The following NELL1 variants were observed in gnomAD, a reference collection of about 807,000 sequenced individuals.
NELL1 encodes the protein protein kinase C-binding protein NELL1.
In NELL1, 76 loss-of-function variants were observed where a neutral mutation model predicts 107.4. The observed-to-expected ratio is 0.71, with a 90% CI of 0.59 to 0.86. The LOEUF (loss-of-function observed/expected upper bound fraction) is 0.86, where lower values mean the gene tolerates loss of function less well. NELL1 is among the 40% of genes least tolerant of loss of function. NELL1 has a pLI of 0.00. For missense variants in NELL1, 1,024 were observed against 1,005.5 expected, an observed-to-expected ratio of 1.02 and a Z score of -0.25; for synonymous variants, 353 against 341.2, an observed-to-expected ratio of 1.03 and a Z score of -0.38.
chr11:21,471,982 A>G (rs904242445), intron 15 of NELL1, among the ~76,000 whole-genome samples: 1 of 152,054 alleles, frequency 6.6e-6, no homozygotes, highest in Non-Finnish European at 1.5e-5. Flanking sequence ...GGTACAGTAC[A>G]TTATTTTAGC....
At chr11:20,752,629 C>G (rs940615088) in intron 2 of NELL1, among the ~76,000 whole-genome samples, 1 of 152,146 alleles carries the variant, frequency 6.6e-6, no homozygotes, top group African/African-American at 2.4e-5. Context: ...TTGAGAAAAC[C>G]TGGCACCAAC....
chr11:21,398,302 C>T (rs1300986520), intron 15 of NELL1, among the ~76,000 whole-genome samples: 2 of 151,612 alleles, frequency 1.3e-5, no homozygotes, highest in African/African-American at 2.4e-5. Context: ...CCCTGAGGCT[C>T]TCTGTATCTT....
intron 14 of NELL1, among the ~76,000 whole-genome samples, chr11:21,353,148 C>G (rs1237759029): frequency 1.3e-5 from 2 of 152,122 alleles, no homozygotes; most frequent in African/African-American, 2.4e-5. Flanking sequence ...AGGCATCTTG[C>G]TTGATCCCTT....
At chr11:21,064,858 T>C (rs1853830541) in intron 12 of NELL1, among the ~76,000 whole-genome samples, 1 of 152,208 alleles carries the variant, frequency 6.6e-6, no homozygotes, top group Admixed American at 6.5e-5. Context: ...TGTGAAATTA[T>C]TTGACCTGGA....
chr11:21,274,848 C>T (rs1848819795), intron 14 of NELL1, among the ~76,000 whole-genome samples: 1 of 152,082 alleles, frequency 6.6e-6, no homozygotes, highest in African/African-American at 2.4e-5. Context: ...TCTTGGAAAC[C>T]AGTGAGAACA....
At chr11:20,802,671 T>A (rs1445000574) in intron 3 of NELL1, among the ~76,000 whole-genome samples, 1 of 152,190 alleles carries the variant, frequency 6.6e-6, no homozygotes, top group Non-Finnish European at 1.5e-5. Flanking sequence ...GCTTTCAGTT[T>A]TTTCCCATTC....
chr11:20,815,225 T>C (rs1356688607), intron 3 of NELL1, among the ~76,000 whole-genome samples: 1 of 152,020 alleles, frequency 6.6e-6, no homozygotes, highest in Non-Finnish European at 1.5e-5. Context: ...CCACCACACC[T>C]GGCTAATTTT....
intron 15 of NELL1, among the ~76,000 whole-genome samples, chr11:21,460,033 G>A (rs1478943464): frequency 6.6e-6 from 1 of 152,014 alleles, no homozygotes; most frequent in Non-Finnish European, 1.5e-5. Context: ...CAAATAAAAG[G>A]CTTTATTAAT....
chr11:20,934,324 A>G (rs1455712750), intron 9 of NELL1, among the ~76,000 whole-genome samples: 1 of 152,182 alleles, frequency 6.6e-6, no homozygotes, highest in African/African-American at 2.4e-5. Context: ...CAAATTGCAG[A>G]TGGTTGAGGC....
intron 5 of NELL1, among the ~76,000 whole-genome samples, chr11:20,900,825 A>C (rs1849856810): frequency 1.3e-5 from 2 of 152,194 alleles, no homozygotes; most frequent in South Asian, 4.1e-4. Flanking sequence ...ATTTGTTTTT[A>C]TCTTCAGAAA....
chr11:21,478,682 T>A (rs1378573833), intron 15 of NELL1, among the ~76,000 whole-genome samples: 3 of 139,634 alleles, frequency 2.1e-5, no homozygotes, highest in Non-Finnish European at 4.6e-5. Context: ...AGAAATGGGG[T>A]CACACCAAGT....
intron 12 of NELL1, among the ~76,000 whole-genome samples, chr11:21,014,445 T>G (rs1852519775): frequency 6.6e-6 from 1 of 152,136 alleles, no homozygotes; most frequent in African/African-American, 2.4e-5. Context: ...ATGTACCACT[T>G]TCTCAGCCCA....
chr11:21,561,616 A>G (rs1203001564), intron 17 of NELL1, among the ~76,000 whole-genome samples: 1 of 152,062 alleles, frequency 6.6e-6, no homozygotes, highest in Non-Finnish European at 1.5e-5. Context: ...GCTTGGCTCA[A>G]AGTTCATAGT....
intron 2 of NELL1, among the ~76,000 whole-genome samples, chr11:20,710,220 G>A (rs929100592): frequency 3.9e-5 from 6 of 152,164 alleles, no homozygotes; most frequent in Admixed American, 2.0e-4. Flanking sequence ...CTTGAGGTAT[G>A]TCCCTTCTAT....
chr11:20,958,403 ACT>A (rs1232572493), intron 11 of NELL1, among the ~76,000 whole-genome samples: 1 of 152,148 alleles, frequency 6.6e-6, no homozygotes, highest in African/African-American at 2.4e-5. Flanking sequence ...ACAGAGTGAG[ACT>A]CTGTCTCAAA....
chr11:21,214,141 C>T (rs1402248068), intron 13 of NELL1, among the ~76,000 whole-genome samples: 2 of 152,032 alleles, frequency 1.3e-5, no homozygotes, highest in Non-Finnish European at 2.9e-5. Context: ...TTTCAGATTT[C>T]AGACTTTTTC....
At position 21,067,037 on chromosome 11, in the gene NELL1, G is replaced by T. The variant is rs541335994; in HGVS notation, c.1301-46552G>T. ...TCTTGGAGTTACCTTTTATTAAGGTGTGAAGGAGACAGCAAGTGAGACCAT... is the reference window on the plus strand; with the variant it reads ...TCTTGGAGTTACCTTTTATTAAGGTTTGAAGGAGACAGCAAGTGAGACCAT... On this transcript the variant is annotated intron_variant, in intron 12 of 19. Transcript: ENST00000357134. Among the ~76,000 whole-genome samples, 256 of 152,140 alleles carry T rather than the reference G, an allele frequency of 1.7e-3. 2 individuals carry two copies. The highest frequency in any genetic ancestry group is 5.6e-3 in the African/African-American group (233 of 41,550).
At chr11:21,080,516 T>G (rs1854241319) in intron 12 of NELL1, among the ~76,000 whole-genome samples, 1 of 152,140 alleles carries the variant, frequency 6.6e-6, no homozygotes, top group Non-Finnish European at 1.5e-5. Context: ...TAGAATCATA[T>G]TATATCTTTC....
chr11:21,309,268 A>ATATATATATGTGTG (rs1305874968), intron 14 of NELL1, among the ~76,000 whole-genome samples: 4 of 36,156 alleles, frequency 1.1e-4, no homozygotes, highest in African/African-American at 4.1e-4. Context: ...ATGTATATAT[A>ATATATATATGTGTG]TATATATATA....
Sources: allele counts gnomAD v4.1 joint callset (sites outside exome capture counted in the v4.1 genomes callset), GRCh38; gene constraint gnomAD v4.1.1; transcripts MANE v1.5; gene names NCBI Gene and HGNC (gene_info 2026-07-23, HGNC 2026-07-21).